MYT1L: variants seen among roughly 807,000 people sequenced by gnomAD.
MYT1L encodes myelin transcription factor 1-like protein.
MYT1L carries 12 observed loss-of-function variants against 126.7 expected under a neutral mutation model. That is an observed-to-expected ratio of 0.09 (90% CI 0.06 to 0.15). The LOEUF is 0.15. MYT1L is among the 10% of genes least tolerant of loss of function. The pLI is 1.00. For synonymous variants in MYT1L, 541 were observed against 604.2 expected (o/e 0.90, Z 1.53); for missense variants, 979 against 1,585.2 (o/e 0.62, Z 6.49).
chr2:2,010,646 A>G (rs181774422), intron 4 of MYT1L, among the ~76,000 whole-genome samples: 3 of 152,302 alleles, frequency 2.0e-5, no homozygotes, highest in Non-Finnish European at 2.9e-5. Flanking sequence ...TTTAAAGACC[A>G]GGGATTACAT....
intron 9 of MYT1L, among the ~76,000 whole-genome samples, chr2:1,937,559 G>C (rs2056116104): frequency 6.6e-6 from 1 of 151,624 alleles, no homozygotes; most frequent in African/African-American, 2.4e-5. Context: ...CGCACAGTGA[G>C]AAGGCCCTAA....
intron 3 of MYT1L, among the ~76,000 whole-genome samples, chr2:2,136,588 A>G (rs2083084884): frequency 6.6e-6 from 1 of 152,228 alleles, no homozygotes; most frequent in South Asian, 2.1e-4. Flanking sequence ...GATGGTTTAA[A>G]AATCAATGTA....
chr2:2,278,973 G>A (rs1465177649), intron 2 of MYT1L, among the ~76,000 whole-genome samples: 1 of 152,084 alleles, frequency 6.6e-6, no homozygotes, highest in Non-Finnish European at 1.5e-5. Flanking sequence ...GCTCTGGGAG[G>A]CACCTTCACT....
intron 2 of MYT1L, among the ~76,000 whole-genome samples, chr2:2,220,169 G>A (rs2093815724): frequency 2.6e-5 from 4 of 152,176 alleles, no homozygotes; most frequent in Admixed American, 6.5e-5. Context: ...ACCATGGCAC[G>A]TGACACAGCC....
chr2:2,067,552 C>G lies in MYT1L; in HGVS notation c.-303-13429G>C, dbSNP rs374246697. 3.9e-5 allele frequency among the ~76,000 whole-genome samples: 6 copies of G among 152,198 alleles called. No individual in the cohort carries two copies. In the East Asian group the frequency reaches 7.7e-4, roughly 20 times the overall value. On this transcript the variant is annotated intron_variant, in intron 3 of 24. Transcript: ENST00000647738. ...ACCAACCTGGATAACATAACAAGAT[C>G]CTGTCTGTACCAAAACAAAAACAAA...
chr2:1,939,042 C>T (rs929695589), intron 9 of MYT1L, among the ~76,000 whole-genome samples: 7 of 152,280 alleles, frequency 4.6e-5, no homozygotes, highest in South Asian at 4.1e-4. Flanking sequence ...GGCATCCAGC[C>T]GGGATAAATC....
At chr2:2,198,279 G>A (rs1193248999) in intron 2 of MYT1L, among the ~76,000 whole-genome samples, 2 of 152,062 alleles carry the variant, frequency 1.3e-5, no homozygotes, top group Admixed American at 6.6e-5. Context: ...AGGGGTATGG[G>A]CCCCAGGAGT....
chr2:2,267,868 G>GA (rs933612189), intron 2 of MYT1L, among the ~76,000 whole-genome samples: 188 of 148,118 alleles, frequency 1.3e-3, no homozygotes, highest in East Asian at 3.0e-3. Flanking sequence ...TGTCAAATAA[G>GA]AAAAAAAAAA....
chr2:2,117,082 A>C (rs1449687611), intron 3 of MYT1L, among the ~76,000 whole-genome samples: 2 of 152,196 alleles, frequency 1.3e-5, no homozygotes, highest in South Asian at 4.1e-4. Flanking sequence ...CTCCCCCTGC[A>C]GAGCACCCAC....
intron 14 of MYT1L, 103 bp downstream of exon 14, chr2:1,902,977 A>T: frequency 9.3e-7 from 1 of 1,072,628 alleles, no homozygotes; most frequent in Non-Finnish European, 1.4e-6. Flanking sequence ...GTACCCATTG[A>T]GTGACCACCA....
chr2:2,317,910 A>T (rs1264816949), intron 1 of MYT1L, among the ~76,000 whole-genome samples: 1 of 152,200 alleles, frequency 6.6e-6, no homozygotes, highest in Non-Finnish European at 1.5e-5. Flanking sequence ...AAGCCAAAAA[A>T]TTGGAGGCCA....
intron 9 of MYT1L, among the ~76,000 whole-genome samples, chr2:1,942,176 G>GCAAA (rs745585824): frequency 3.3e-5 from 5 of 152,184 alleles, no homozygotes; most frequent in African/African-American, 1.2e-4. Flanking sequence ...AAACAAACAA[G>GCAAA]CAAACAAACA....
intron 3 of MYT1L, among the ~76,000 whole-genome samples, chr2:2,117,293 G>A (rs2080336550): frequency 6.6e-6 from 1 of 152,222 alleles, no homozygotes; most frequent in Non-Finnish European, 1.5e-5. Flanking sequence ...ATAAAATGCA[G>A]TAGTAAGGAT....
At chr2:2,003,052 A>G (rs1574398882) in intron 4 of MYT1L, among the ~76,000 whole-genome samples, 1 of 152,114 alleles carries the variant, frequency 6.6e-6, no homozygotes, top group Non-Finnish European at 1.5e-5. Context: ...GGACTAATAT[A>G]CCTTGGGAAT....
chr2:2,074,823 G>T (rs575298694), intron 3 of MYT1L, among the ~76,000 whole-genome samples: 119 of 152,262 alleles, frequency 7.8e-4, no homozygotes, highest in Non-Finnish European at 1.0e-3. Flanking sequence ...TCATGCAGGG[G>T]TTTGTTCAGG....
At chr2:2,251,908 A>G (rs892477404) in intron 2 of MYT1L, among the ~76,000 whole-genome samples, 8 of 151,916 alleles carry the variant, frequency 5.3e-5, no homozygotes, top group African/African-American at 1.9e-4. Context: ...AAGAAAGAAA[A>G]GAAAAAGAAA....
intron 3 of MYT1L, among the ~76,000 whole-genome samples, chr2:2,130,384 G>A (rs2082217449): frequency 6.6e-6 from 1 of 151,862 alleles, no homozygotes; most frequent in Non-Finnish European, 1.5e-5. Flanking sequence ...CATTACTGAT[G>A]AAAACTCTGA....
intron 1 of MYT1L, among the ~76,000 whole-genome samples, chr2:2,316,758 G>T (rs2149655934): frequency 6.6e-6 from 1 of 152,246 alleles, no homozygotes; most frequent in South Asian, 2.1e-4. Context: ...TTAGGTTTCA[G>T]TTACGTGTCT....
rs1444025504 is a variant in MYT1L, at chr2:1,923,122, G to T, written c.647C>A (p.Ala216Asp). 3 of 1,613,996 alleles carry T rather than the reference G, an allele frequency of 1.9e-6. No individual in the cohort carries two copies. In the Admixed American group the frequency reaches 5.0e-5, roughly 27 times the overall value. ...TTCTGACTCAGTCCTGGCCCGGTAG[G>T]CTGCATCCTCAGCGATTTTGCCGAG... ...LNLGKIAEDA[A>D]YRARTESEMN... is the part of the protein sequence containing the mutation. Residue 216 changes from alanine to aspartate, a missense_variant, in exon 10 of 25, where the codon GCC becomes GAC. This residue lies in a region of MYT1L where 243 missense variants were observed against 363.9 expected (regional missense o/e 0.67). Transcript: ENST00000647738.
Sources: allele counts gnomAD v4.1 joint callset (sites outside exome capture counted in the v4.1 genomes callset), GRCh38; gene constraint gnomAD v4.1.1; regional missense constraint gnomAD v4.1.1; transcripts MANE v1.5; gene names NCBI Gene and HGNC (gene_info 2026-07-23, HGNC 2026-07-21).